COL17A1: variants seen among roughly 807,000 people sequenced by gnomAD.
COL17A1 encodes the protein collagen alpha-1(XVII) chain.
In COL17A1, 181 loss-of-function variants were observed where a neutral mutation model predicts 218.4. The ratio of observed to expected loss-of-function variants is 0.83; its 90% CI spans 0.73 to 0.94. The LOEUF (loss-of-function observed/expected upper bound fraction) is 0.94. Ranked by LOEUF, COL17A1 falls within the 40% of genes least tolerant of loss-of-function variation. The pLI is 0.00. For missense variants in COL17A1, 1,924 were observed against 1,945.9 expected (o/e 0.99, Z 0.21); for synonymous variants, 721 against 731.0 (o/e 0.99, Z 0.22).
chr10:104,080,596 A>T, intron 2 of COL17A1, 26 bp downstream of exon 2: 1 of 1,610,338 alleles, frequency 6.2e-7, no homozygotes, highest in Admixed American at 1.7e-5. Flanking sequence ...TAAAACACAT[A>T]AATTAAAAAA....
At chr10:104,083,586 G>A (rs2086783000) in intron 1 of COL17A1, among the ~76,000 whole-genome samples, 1 of 152,094 alleles carries the variant, frequency 6.6e-6, no homozygotes. Flanking sequence ...ACTTTTATGA[G>A]TTTTTTCCTT....
rs151151613 is a variant in COL17A1, at chr10:104,033,981, T to C, written c.4120A>G (p.Asn1374Asp). The change falls in exon 52 of 56, where the codon AAT (asparagine) becomes GAT (aspartate). Residue 1374 changes from asparagine (N) to aspartate (D), a missense_variant. Transcript: ENST00000648076. ...TCTGACACCCTCACAGCCAGCTCAT[T>C]GTAATCCAGATCTCCAGCAAAGTCA... ...GADFAGDLDY[N>D]ELAVRVSESM... 1.6e-4 allele frequency: 259 copies of C among 1,614,150 alleles called. 1 individual carries two copies. The East Asian group carries it at 5.1e-3, about 32-fold the overall frequency.
At chr10:104,079,123 G>GT (rs1292386057) in intron 2 of COL17A1, among the ~76,000 whole-genome samples, 1 of 152,182 alleles carries the variant, frequency 6.6e-6, no homozygotes, top group African/African-American at 2.4e-5. Flanking sequence ...GGTGCTCCTG[G>GT]TAAGTCACAT....
intron 48 of COL17A1, 134 bp downstream of exon 48, chr10:104,036,358 G>C: frequency 7.7e-7 from 1 of 1,296,594 alleles, no homozygotes; most frequent in Non-Finnish European, 1.1e-6. Flanking sequence ...ACGGCTCTGA[G>C]CACTGCTCAT....
At position 104,049,460 on chromosome 10, in the gene COL17A1, T is replaced by C; in HGVS notation, c.2176A>G (p.Met726Val). The C allele has an allele frequency of 6.2e-7, 1 of 1,614,220 alleles. No homozygotes were observed. Among genetic ancestry groups the C allele is most frequent in the Non-Finnish European group, 8.5e-7 (1 of 1,180,022 alleles). ...CCAACAGCACCAGGCAAACCTCTCA[T>C]GCCAGGCTCGCCTGCAAAGGACAAA... ...GPRGLTGEPGMRGLPGAVGEP... is the reference protein window; with the variant it reads ...GPRGLTGEPGVRGLPGAVGEP... The change falls in exon 29 of 56, where the codon ATG becomes GTG. Residue 726 changes from methionine to valine, a missense_variant. Transcript: ENST00000648076.
At position 104,050,870 on chromosome 10, in the gene COL17A1, T is replaced by G. The variant is rs1249766989; in HGVS notation, c.2070A>C (p.Glu690Asp). The stretch of plus-strand genomic sequence containing the variant: ...TACCTTTGACACCAGGAAGTCCTAC[T>G]TCACCTCGGAGCCCTTGGAGACCTA... ...GPVGLQGLRGEVGLPGVKGDK... is the reference protein window; with the variant it reads ...GPVGLQGLRGDVGLPGVKGDK... The change falls in exon 26 of 56, where the codon GAA becomes GAC. Residue 690 changes from glutamate (E) to aspartate (D), a missense_variant. Transcript: ENST00000648076. 2.5e-6 allele frequency: 4 copies of G among 1,613,986 alleles called. No individual in the cohort carries two copies. The East Asian group carries it at 8.9e-5, about 36-fold the overall frequency.
Position 104,039,432 on chromosome 10 carries a change from C to T in COL17A1, c.2896+13G>A. 6.2e-7 allele frequency: 1 copy of T among 1,613,616 alleles called. No homozygotes were observed. The highest frequency in any genetic ancestry group is 8.5e-7 in the Non-Finnish European group (1 of 1,179,792). On this transcript the variant is annotated intron_variant, in intron 43 of 55. Transcript: ENST00000648076. ...CCTACTCCTCACCACCTTCTCACTG[C>T]TCCCTCACTGACCTTTGTCACCTTT...
chr10:104,063,687 G>T (rs2134633813), intron 11 of COL17A1, 60 bp downstream of exon 11: 1 of 1,609,516 alleles, frequency 6.2e-7, no homozygotes, highest in South Asian at 1.1e-5. Flanking sequence ...CTTGGGTGAA[G>T]CATCCTAACA....
At chr10:104,063,044 G>A (rs2086596537) in intron 11 of COL17A1, among the ~76,000 whole-genome samples, 1 of 152,150 alleles carries the variant, frequency 6.6e-6, no homozygotes, top group South Asian at 2.1e-4. Flanking sequence ...GGATTTGGTG[G>A]GCCTCTAGTC....
At chr10:104,043,479 C>A in intron 35 of COL17A1, 22 bp downstream of exon 35, 1 of 1,610,034 alleles carries the variant, frequency 6.2e-7, no homozygotes, top group Non-Finnish European at 8.5e-7. Flanking sequence ...TGATTTGGGG[C>A]AAAGCAAGAA....
At chr10:104,034,841 G>T in intron 50 of COL17A1, 74 bp from the exon 51 acceptor site, 1 of 1,570,166 alleles carries the variant, frequency 6.4e-7, no homozygotes, top group Non-Finnish European at 8.6e-7. Flanking sequence ...TGTGCTCGGG[G>T]CGCTGTGGGC....
At chr10:104,034,479 T>C (rs1449601656) in intron 51 of COL17A1, 142 bp downstream of exon 51, 6 of 1,487,436 alleles carry the variant, frequency 4.0e-6, no homozygotes, top group Non-Finnish European at 5.4e-6. Flanking sequence ...TGGGAGAATT[T>C]TGGTGTGGAA....
At chr10:104,049,616 T>C in intron 28 of COL17A1, 145 bp from the exon 29 acceptor site, 1 of 786,330 alleles carries the variant, frequency 1.3e-6, no homozygotes, top group Non-Finnish European at 2.2e-6. Context: ...CCCTGGGAAG[T>C]GGCATGGGCT....
rs761622647 is a variant in COL17A1, at chr10:104,058,210, G to T, written c.1223-20C>A. 6.2e-7 allele frequency: 1 copy of T among 1,614,118 alleles called. No homozygotes were observed. Among genetic ancestry groups the T allele is most frequent in the Non-Finnish European group, 8.5e-7 (1 of 1,180,012 alleles). Reference sequence around the variant, plus strand: ...GGTCTCCTGAAAGGACAAACAGATTGACCTGAGCTTTTAAACTGGAGGAGC... The same window carrying T: ...GGTCTCCTGAAAGGACAAACAGATTTACCTGAGCTTTTAAACTGGAGGAGC... On this transcript the variant is annotated intron_variant, in intron 15 of 55. Transcript: ENST00000648076.
At chr10:104,077,287 G>A (rs1230355775) in intron 4 of COL17A1, 135 bp downstream of exon 4, 1 of 743,690 alleles carries the variant, frequency 1.3e-6, no homozygotes, top group East Asian at 2.7e-5. Context: ...TGGAATGGAT[G>A]ACAGGTGATT....
rs202104386 is a variant in COL17A1 at position 104,039,050 on chromosome 10, T to C, written c.2947+21A>G. On this transcript the variant is annotated intron_variant, in intron 44 of 55. Coordinates refer to ENST00000648076, the MANE Select transcript of COL17A1 (RefSeq NM_000494.4). ...TCACCAGAAGAAGTGGAGAGGAACT[T>C]TGGTCACTTTCAGTTCTTACCTTCA... 2.7e-3 allele frequency: 4,294 copies of C among 1,612,734 alleles called. 8 individuals are homozygous for C. Among genetic ancestry groups the C allele is most frequent in the Non-Finnish European group, 3.2e-3 (3,818 of 1,178,854 alleles).
At chr10:104,068,744 G>A (rs1326770044) in intron 9 of COL17A1, among the ~76,000 whole-genome samples, 1 of 152,234 alleles carries the variant, frequency 6.6e-6, no homozygotes, top group Admixed American at 6.5e-5. Flanking sequence ...AAGCTGTGGG[G>A]AACAGGCTTG....
At position 104,033,341 on chromosome 10, in the gene COL17A1, G is replaced by A. The variant is rs759207820; in HGVS notation, c.4191C>T (p.Val1397=). ...GCCCAGGCTGGCCTGGTGGGCCCTGGACAGTGTAGGCCATCCCTTGCAGTA... is the reference window on the plus strand; with the variant it reads ...GCCCAGGCTGGCCTGGTGGGCCCTGAACAGTGTAGGCCATCCCTTGCAGTA... The part of the protein sequence containing the change: ...QGLLQGMAYT[V]QGPPGQPGPQ... Residue 1397 remains valine, a synonymous_variant, in exon 53 of 56, where the codon GTC becomes GTT. Coordinates refer to ENST00000648076, the MANE Select transcript of COL17A1 (RefSeq NM_000494.4). 5.6e-6 allele frequency: 9 copies of A among 1,609,952 alleles called. No homozygotes were observed. Among genetic ancestry groups the A allele is most frequent in the Admixed American group, 3.4e-5 (2 of 59,504 alleles).
In COL17A1 at chr10:104,070,555, C is replaced by G; in HGVS notation, c.478G>C (p.Asp160His). The change falls in exon 9 of 56, where the codon GAT (aspartate) becomes CAT (histidine). Residue 160 changes from aspartate (D) to histidine (H), a missense_variant. Coordinates refer to ENST00000648076, the MANE Select transcript of COL17A1 (RefSeq NM_000494.4). Reference protein sequence around the residue: ...SPSTRWTELDDVKRLLKGSRS... With the variant: ...SPSTRWTELDHVKRLLKGSRS... Reference sequence around the variant, plus strand: ...CTCCCCTTGAGCAAACGCTTAACATCATCCAATTCTGTCCCTGTGAAAGAA... The same window carrying G: ...CTCCCCTTGAGCAAACGCTTAACATGATCCAATTCTGTCCCTGTGAAAGAA... 6.2e-7 allele frequency: 1 copy of G among 1,614,226 alleles called. No homozygotes were observed. The highest frequency in any genetic ancestry group is 8.5e-7 in the Non-Finnish European group (1 of 1,180,042).
Sources: gnomAD v4.1 joint callset for allele counts (sites outside exome capture counted in the v4.1 genomes callset) on GRCh38, gnomAD v4.1.1 for gene constraint, MANE v1.5 for transcripts, NCBI Gene and HGNC (gene_info 2026-07-23, HGNC 2026-07-21) for gene names.